MYO9A: variants seen among roughly 807,000 people sequenced by gnomAD.
MYO9A encodes the protein unconventional myosin-IXa.
Under a neutral mutation model 293.3 loss-of-function variants are expected in MYO9A, and 103 were observed. The observed-to-expected ratio is 0.35, with a 90% CI of 0.30 to 0.41. The LOEUF (loss-of-function observed/expected upper bound fraction) is 0.41. Ranked by LOEUF, MYO9A falls within the 10% of genes least tolerant of loss-of-function variation. MYO9A has a pLI of 1.00. For synonymous variants in MYO9A, 1,001 were observed against 1,035.7 expected, an observed-to-expected ratio of 0.97 and a Z score of 0.64; for missense variants, 2,685 against 3,033.0, an observed-to-expected ratio of 0.89 and a Z score of 2.69.
chr15:71,998,550 C>CT (rs765185033), intron 9 of MYO9A, among the ~76,000 whole-genome samples: 18,800 of 105,986 alleles, frequency 0.18, 1,634 homozygotes, highest in Non-Finnish European at 0.23. Context: ...ATTTGGCTTT[C>CT]TTTTTTTTTT....
At chr15:71,977,586 T>C (rs570483942) in intron 12 of MYO9A, among the ~76,000 whole-genome samples, 2 of 151,854 alleles carry the variant, frequency 1.3e-5, no homozygotes, top group Non-Finnish European at 2.9e-5. Flanking sequence ...ACACATCTCA[T>C]ACATGAAGCT....
At chr15:71,923,468 T>C (rs141038946) in intron 18 of MYO9A, among the ~76,000 whole-genome samples, 237 of 152,350 alleles carry the variant, frequency 1.6e-3, no homozygotes, top group African/African-American at 5.0e-3. Context: ...TTTGGTAGAA[T>C]TGAGCAGTGA....
intron 19 of MYO9A, among the ~76,000 whole-genome samples, chr15:71,913,563 T>C (rs1316575332): frequency 6.6e-6 from 1 of 152,244 alleles, no homozygotes; most frequent in East Asian, 1.9e-4. Context: ...CTCCATCATT[T>C]TAAAGTCTGT....
At chr15:71,916,900 G>A (rs1412086379) in intron 18 of MYO9A, among the ~76,000 whole-genome samples, 3 of 152,212 alleles carry the variant, frequency 2.0e-5, no homozygotes, top group Non-Finnish European at 2.9e-5. Flanking sequence ...CAGAGGCAGA[G>A]TGCAGAACAT....
intron 12 of MYO9A, among the ~76,000 whole-genome samples, chr15:71,975,304 G>GTA (rs1491312722): frequency 1.1e-4 from 1 of 9,266 alleles, no homozygotes; most frequent in Non-Finnish European, 5.4e-4. Flanking sequence ...TGATTTTATC[G>GTA]TGTGTGTGTG....
At chr15:71,906,758 CTTTTTTTT>C (rs71131714) in intron 19 of MYO9A, among the ~76,000 whole-genome samples, 1 of 61,012 alleles carries the variant, frequency 1.6e-5, no homozygotes, top group African/African-American at 6.4e-5. Flanking sequence ...CCATTTCTTT[CTTTTTTTT>C]TTTTTTTTTT....
intron 38 of MYO9A, 72 bp downstream of exon 38, chr15:71,849,964 G>C (rs2055564130): frequency 9.3e-7 from 1 of 1,074,414 alleles, no homozygotes; most frequent in South Asian, 1.6e-5. Context: ...CACTATGTTT[G>C]ATATCTGGAT....
At chr15:71,969,085 T>C (rs1169358351) in intron 12 of MYO9A, among the ~76,000 whole-genome samples, 1 of 152,200 alleles carries the variant, frequency 6.6e-6, no homozygotes, top group African/African-American at 2.4e-5. Flanking sequence ...CTAGGTAACC[T>C]TCTTTGAGAA....
chr15:71,985,780 G>C (rs1305889792), intron 11 of MYO9A, among the ~76,000 whole-genome samples: 1 of 152,160 alleles, frequency 6.6e-6, no homozygotes, highest in Non-Finnish European at 1.5e-5. Context: ...AATATATGTT[G>C]TTGAAGTTTT....
intron 8 of MYO9A, among the ~76,000 whole-genome samples, chr15:72,004,673 T>C (rs2076968031): frequency 6.6e-6 from 1 of 152,228 alleles, no homozygotes; most frequent in Non-Finnish European, 1.5e-5. Context: ...ATGATAGTTC[T>C]AATATCTCAC....
intron 20 of MYO9A, 27 bp downstream of exon 20, chr15:71,904,899 G>GT (rs781187254): frequency 6.5e-7 from 1 of 1,534,836 alleles, no homozygotes; most frequent in Non-Finnish European, 9.0e-7. Flanking sequence ...GCTGAGATAT[G>GT]TGCTCTCATT....
chr15:71,949,680 G>A (rs1567307199), intron 15 of MYO9A, among the ~76,000 whole-genome samples: 3 of 146,914 alleles, frequency 2.0e-5, no homozygotes, highest in Non-Finnish European at 3.0e-5. Context: ...TTTTTAATAC[G>A]GTTCCTGGGG....
At chr15:71,926,939 T>C (rs2058328915) in intron 18 of MYO9A, among the ~76,000 whole-genome samples, 1 of 152,098 alleles carries the variant, frequency 6.6e-6, no homozygotes, top group African/African-American at 2.4e-5. Flanking sequence ...GTTCAGCCAG[T>C]TGTAGGGACA....
At chr15:71,983,852 G>A (rs886478697) in intron 11 of MYO9A, among the ~76,000 whole-genome samples, 10 of 152,090 alleles carry the variant, frequency 6.6e-5, no homozygotes, top group Admixed American at 2.0e-4. Flanking sequence ...TAGATTCAAC[G>A]ACTTTTTTAT....
chr15:72,020,196 A>G (rs1357214737), intron 5 of MYO9A, among the ~76,000 whole-genome samples: 2 of 152,194 alleles, frequency 1.3e-5, no homozygotes, highest in Non-Finnish European at 2.9e-5. Context: ...TGCCTCCAAC[A>G]ATGGAAAAAT....
chr15:71,944,989 A>G (rs1413680298), intron 15 of MYO9A, among the ~76,000 whole-genome samples: 1 of 152,210 alleles, frequency 6.6e-6, no homozygotes, highest in Non-Finnish European at 1.5e-5. Context: ...AGTTTCTCCT[A>G]GTAGTGCACA....
intron 1 of MYO9A, among the ~76,000 whole-genome samples, chr15:72,051,581 G>T (rs1175353030): frequency 6.6e-6 from 1 of 152,128 alleles, no homozygotes; most frequent in Non-Finnish European, 1.5e-5. Context: ...AGAGGTGTTT[G>T]CTCCCACTGC....
intron 1 of MYO9A, among the ~76,000 whole-genome samples, chr15:72,076,304 C>CAAAAAAAAAAAAAAAAAAAA (rs34369419): frequency 1.2e-5 from 1 of 81,624 alleles, no homozygotes; most frequent in Non-Finnish European, 2.5e-5. Flanking sequence ...GACTCTGTCT[C>CAAAAAAAAAAAAAAAAAAAA]AAAAAAAAAA....
intron 1 of MYO9A, among the ~76,000 whole-genome samples, chr15:72,113,084 A>T (rs923171149): frequency 6.6e-6 from 1 of 152,168 alleles, no homozygotes; most frequent in Non-Finnish European, 1.5e-5. Flanking sequence ...TATATTTTTT[A>T]AAATGCTCAA....
Sources: gnomAD v4.1 joint callset for allele counts (sites outside exome capture counted in the v4.1 genomes callset) on GRCh38, gnomAD v4.1.1 for gene constraint, MANE v1.5 for transcripts, NCBI Gene and HGNC (gene_info 2026-07-23, HGNC 2026-07-21) for gene names.